The following RAB11FIP3 variants were observed in gnomAD, a reference collection of about 807,000 sequenced individuals.
RAB11FIP3 encodes the protein rab11 family-interacting protein 3.
RAB11FIP3 carries 17 observed loss-of-function variants against 77.8 expected under a neutral mutation model. That is an observed-to-expected ratio of 0.22 (90% confidence interval 0.15 to 0.33). The LOEUF is 0.33. Among genes scored for constraint, RAB11FIP3 ranks in the 10% least tolerant of loss-of-function variants. The pLI is 1.00. For synonymous variants in RAB11FIP3, 437 were observed against 448.2 expected, an observed-to-expected ratio of 0.98 and a Z score of 0.31; for missense variants, 1,005 against 1,011.2, an observed-to-expected ratio of 0.99 and a Z score of 0.08.
chr16:442,355 G>T (rs1596196567), intron 1 of RAB11FIP3, among the ~76,000 whole-genome samples: 1 of 152,194 alleles, frequency 6.6e-6, no homozygotes, highest in Non-Finnish European at 1.5e-5. Context: ...TGAGTGTCTT[G>T]GGGGAGTTTG....
chr16:509,059 A>C (rs2032011107), intron 8 of RAB11FIP3, among the ~76,000 whole-genome samples: 1 of 152,086 alleles, frequency 6.6e-6, no homozygotes, highest in Non-Finnish European at 1.5e-5. Flanking sequence ...ACCTGCCACC[A>C]CATCCGGCTA....
At chr16:481,180 T>G (rs2056034230) in intron 3 of RAB11FIP3, among the ~76,000 whole-genome samples, 1 of 152,120 alleles carries the variant, frequency 6.6e-6, no homozygotes, top group Admixed American at 6.6e-5. Flanking sequence ...CACAGTGGTG[T>G]GATCACATCT....
intron 5 of RAB11FIP3, among the ~76,000 whole-genome samples, chr16:495,659 C>T (rs1190391217): frequency 2.6e-5 from 4 of 152,188 alleles, no homozygotes. Context: ...AAGGGCCCAG[C>T]TCTGTTTCTA....
chr16:466,401 C>T (rs929571875), intron 2 of RAB11FIP3, among the ~76,000 whole-genome samples: 1 of 152,106 alleles, frequency 6.6e-6, no homozygotes, highest in Non-Finnish European at 1.5e-5. Flanking sequence ...TTGGTTTGTT[C>T]CTGTGGACCA....
At chr16:486,511 A>AT (rs1170993816) in intron 4 of RAB11FIP3, among the ~76,000 whole-genome samples, 3 of 152,164 alleles carry the variant, frequency 2.0e-5, no homozygotes, top group Non-Finnish European at 4.4e-5. Context: ...AAACAAAAGT[A>AT]TAACTCTTTT....
intron 5 of RAB11FIP3, among the ~76,000 whole-genome samples, chr16:491,837 G>C (rs2030224051): frequency 6.6e-6 from 1 of 152,140 alleles, no homozygotes; most frequent in Non-Finnish European, 1.5e-5. Context: ...TGAAGCCCCT[G>C]GGTGGGCAGC....
chr16:451,019 T>C lies in RAB11FIP3; in HGVS notation c.715-10385T>C, dbSNP rs539856422. Among the ~76,000 whole-genome samples, 4 of 152,152 alleles carry C rather than the reference T, an allele frequency of 2.6e-5. No individual in the cohort carries two copies. In the South Asian group the frequency reaches 6.2e-4, roughly 24 times the overall value. ...CTTTGGTTGCTTTCATAAATTCTGT[T>C]TTATTTCCTCATCATGTTTGCTGAA... On this transcript the variant is annotated intron_variant, in intron 1 of 13. Transcript: ENST00000262305.
rs1459462798 is a variant in RAB11FIP3, at chr16:507,671, G to A, written c.1499+2044G>A. The stretch of plus-strand genomic sequence containing the variant: ...GCACCACCCACTGACCGTCTGCAGT[G>A]CAGCCCCGGCCACATTCAGTTCCTG... On this transcript the variant is annotated intron_variant, in intron 8 of 13. Coordinates refer to ENST00000262305, the MANE Select transcript of RAB11FIP3 (RefSeq NM_014700.4). This position sits in a 1 kb window ranked among gnomAD's most constrained non-coding sequence, Gnocchi z 4.6. Among the ~76,000 whole-genome samples the A allele has an allele frequency of 6.6e-6, 1 of 152,258 alleles. No homozygotes were observed. The highest frequency in any genetic ancestry group is 1.9e-4 in the East Asian group (1 of 5,202).
chr16:458,984 C>T (rs923544296), intron 1 of RAB11FIP3, among the ~76,000 whole-genome samples: 2 of 152,156 alleles, frequency 1.3e-5, no homozygotes, highest in African/African-American at 2.4e-5. Flanking sequence ...CTGTGCCTCA[C>T]CCCAGATTCT....
rs2031619625 is a variant in RAB11FIP3 at position 503,064 on chromosome 16, C to T, written c.1362C>T (p.Leu454=). 6.2e-7 allele frequency: 1 copy of T among 1,612,956 alleles called. No homozygotes were observed. Among genetic ancestry groups the T allele is most frequent in the African/African-American group, 1.3e-5 (1 of 74,886 alleles). Residue 454 remains leucine (L), a synonymous_variant, in exon 7 of 14, where the codon CTC becomes CTT. Transcript: ENST00000262305. Reference sequence around the variant, plus strand: ...CCCTGGAGGACCCTTCCCCCGAGCTCATGGAGGGCCCAGAGGAGGACATTG... The same window carrying T: ...CCCTGGAGGACCCTTCCCCCGAGCTTATGGAGGGCCCAGAGGAGGACATTG... ...MEALEDPSPE[L]MEGPEEDIAD... is the part of the protein sequence containing the mutation.
At chr16:488,447 C>T (rs1314460182) in intron 4 of RAB11FIP3, among the ~76,000 whole-genome samples, 2 of 151,832 alleles carry the variant, frequency 1.3e-5, no homozygotes, top group Non-Finnish European at 2.9e-5. Flanking sequence ...CTTGCTCTGT[C>T]ACCCAGGCTG....
At chr16:487,507 G>A (rs1172399854) in intron 4 of RAB11FIP3, among the ~76,000 whole-genome samples, 1 of 152,190 alleles carries the variant, frequency 6.6e-6, no homozygotes, top group Non-Finnish European at 1.5e-5. Context: ...CTGCGGGTGT[G>A]AAATTGGAAC....
chr16:472,511 G>A lies in RAB11FIP3; in HGVS notation c.903+1122G>A, dbSNP rs2055827599. Among the ~76,000 whole-genome samples, 1 of 152,192 alleles carries A rather than the reference G, an allele frequency of 6.6e-6. No homozygotes were observed. The highest frequency in any genetic ancestry group is 2.1e-4 in the South Asian group (1 of 4,828). ...TGCAGAACGTGCTGGGAGACCCCAG[G>A]ACTACAGACGGTGGCTCCTGTGCCC... On this transcript the variant is annotated intron_variant, in intron 3 of 13. Transcript: ENST00000262305. The surrounding 1 kb of genome is among the most constrained non-coding windows in gnomAD (Gnocchi z 4.1).
chr16:492,733 G>C (rs76543950), intron 5 of RAB11FIP3, among the ~76,000 whole-genome samples: 1 of 152,232 alleles, frequency 6.6e-6, no homozygotes, highest in South Asian at 2.1e-4. Context: ...TGTCATCTCC[G>C]TACATGAAAG....
chr16:429,792 C>A (rs900115677), intron 1 of RAB11FIP3, among the ~76,000 whole-genome samples: 17 of 152,120 alleles, frequency 1.1e-4, no homozygotes. Context: ...GCCACTGTGC[C>A]CGGCCAAGTA....
Position 471,248 on chromosome 16 carries a change from T to G in RAB11FIP3, c.809-47T>G. On this transcript the variant is annotated intron_variant, in intron 2 of 13. Transcript: ENST00000262305. The surrounding 1 kb of genome is among the most constrained non-coding windows in gnomAD (Gnocchi z 4.4). ...CCGAGGCCGCCAGGGGTCCCGTCAC[T>G]GGGTGGCTATGGGTGGCCTGTTGAG... 2.6e-6 allele frequency: 4 copies of G among 1,534,904 alleles called. No homozygotes were observed. Among genetic ancestry groups the G allele is most frequent in the Non-Finnish European group, 3.6e-6 (4 of 1,110,752 alleles).
chr16:426,590 G>T lies in RAB11FIP3; in HGVS notation c.584G>T (p.Ser195Ile), dbSNP rs1236321262. 1.9e-6 allele frequency: 3 copies of T among 1,598,136 alleles called. No homozygotes were observed. The highest frequency in any genetic ancestry group is 3.4e-5 in the Admixed American group (2 of 58,250). ...SDLSQTHPLPSEPVGSQEDGP... is the reference protein window; with the variant it reads ...SDLSQTHPLPIEPVGSQEDGP... ...CTCAGCCAGACCCACCCCCTTCCGA[G>T]CGAGCCCGTGGGGAGTCAGGAGGAC... is the stretch of plus-strand genomic sequence containing the variant. Residue 195 changes from serine (S) to isoleucine (I), a missense_variant, in exon 1 of 14, where the codon AGC becomes ATC. Around this residue, in one of 4 missense-constraint regions of RAB11FIP3, gnomAD observed 466 missense variants for 408.3 expected, o/e 1.14. Transcript: ENST00000262305. This position sits in a 1 kb window ranked among gnomAD's most constrained non-coding sequence, Gnocchi z 5.0.
chr16:470,422 C>G (rs1490925137), intron 2 of RAB11FIP3, among the ~76,000 whole-genome samples: 1 of 152,222 alleles, frequency 6.6e-6, no homozygotes, highest in East Asian at 1.9e-4. Flanking sequence ...CATAGGCCAC[C>G]GTGCCTGGCC....
rs2032743293 is a variant in RAB11FIP3, at chr16:522,426, T to C, written c.*1587T>C. 1 of 151,964 alleles carries C rather than the reference T, an allele frequency of 6.6e-6. No individual in the cohort carries two copies. Among genetic ancestry groups the C allele is most frequent in the Non-Finnish European group, 1.5e-5 (1 of 67,968 alleles). 9.4% of individuals were successfully genotyped at this position (151,964 alleles called of 1,614,324 possible). A position where few individuals can be genotyped will look rare whatever the true frequency, so the allele number is the denominator to read the frequency against. ...CTTTAATTCCCCGAGAAACGGCTCTTCCTGCCTGGATGCAGGAGGGCAGGG... is the reference window on the plus strand; with the variant it reads ...CTTTAATTCCCCGAGAAACGGCTCTCCCTGCCTGGATGCAGGAGGGCAGGG... On this transcript the variant is annotated 3_prime_UTR_variant, in exon 14 of 14. Transcript: ENST00000262305.
Sources: gnomAD v4.1 joint callset for allele counts (sites outside exome capture counted in the v4.1 genomes callset) on GRCh38, gnomAD v4.1.1 for gene constraint, gnomAD v4.1.1 regional missense constraint, Gnocchi (gnomAD v3.1) non-coding constraint, MANE v1.5 for transcripts, NCBI Gene and HGNC (gene_info 2026-07-23, HGNC 2026-07-21) for gene names.